Variants in ACTR3C observed in about 807,000 individuals in gnomAD.
ACTR3C encodes the protein actin related protein 3C.
A neutral mutation model predicts 26.3 loss-of-function variants in ACTR3C; 18 were observed. The observed-to-expected ratio is 0.68, with a 90% CI of 0.47 to 1.01. The LOEUF (loss-of-function observed/expected upper bound fraction) is 1.01, where lower values mean the gene tolerates loss of function less well. Among genes scored for constraint, ACTR3C ranks in the 50% least tolerant of loss-of-function variants. The probability of loss-of-function intolerance (pLI) is 0.00; values close to 1 mark genes in which losing one functional copy is unlikely to be tolerated. For synonymous variants in ACTR3C, 55 were observed against 94.5 expected, an observed-to-expected ratio of 0.58 and a Z score of 2.42; for missense variants, 184 against 250.7, an observed-to-expected ratio of 0.73 and a Z score of 1.80.
At chr7:150,035,250 G>A in the ACTR3C span, among the ~76,000 whole-genome samples, 7 of 98,040 alleles carry the variant, frequency 7.1e-5, no homozygotes, top group Non-Finnish European at 1.4e-4. Context: ...GCCAGTGGGG[G>A]AACCAGGGGC....
the ACTR3C span, among the ~76,000 whole-genome samples, chr7:150,174,087 A>G: frequency 1.4e-5 from 2 of 139,494 alleles, no homozygotes; most frequent in East Asian, 2.0e-4. Context: ...CCTCTTAACC[A>G]GTTCCAATGT....
At chr7:150,159,899 G>A in the ACTR3C span, among the ~76,000 whole-genome samples, 2 of 152,020 alleles carry the variant, frequency 1.3e-5, no homozygotes, top group Non-Finnish European at 1.5e-5. Flanking sequence ...CCACCTCCCT[G>A]GTTCAAGCGA....
the ACTR3C span, among the ~76,000 whole-genome samples, chr7:150,176,273 C>G: frequency 2.7e-5 from 4 of 150,814 alleles, no homozygotes; most frequent in East Asian, 7.7e-4. Flanking sequence ...TTTCTTGAGG[C>G]CTTTTTTTAT....
the ACTR3C span, among the ~76,000 whole-genome samples, chr7:149,944,062 A>C: frequency 7.3e-6 from 1 of 137,190 alleles, no homozygotes. Context: ...TGGCAAGTCA[A>C]GGGCTTGTTT....
chr7:150,145,046 T>G, the ACTR3C span, among the ~76,000 whole-genome samples: 1 of 116,116 alleles, frequency 8.6e-6, no homozygotes, highest in Admixed American at 9.1e-5. Context: ...CGAGACTCCA[T>G]CTCAAAAAAA....
At chr7:149,910,283 A>G in the ACTR3C span, among the ~76,000 whole-genome samples, 1 of 152,040 alleles carries the variant, frequency 6.6e-6, no homozygotes, top group African/African-American at 2.4e-5. Flanking sequence ...ATGTCTAAGA[A>G]ACAGCTACTG....
chr7:150,007,005 C>T, the ACTR3C span, among the ~76,000 whole-genome samples: 1 of 152,176 alleles, frequency 6.6e-6, no homozygotes, highest in Admixed American at 6.5e-5. Flanking sequence ...CATCTTAGCT[C>T]CTTGGAGCAT....
At chr7:150,260,369 G>C (rs1049414194) in intron 6 of ACTR3C, among the ~76,000 whole-genome samples, 4 of 152,138 alleles carry the variant, frequency 2.6e-5, no homozygotes, top group African/African-American at 9.7e-5. Context: ...CAAATCCCTA[G>C]AAATTCGTAG....
chr7:150,102,859 G>A, the ACTR3C span, among the ~76,000 whole-genome samples: 3 of 152,022 alleles, frequency 2.0e-5, no homozygotes, highest in African/African-American at 7.2e-5. Flanking sequence ...TAGGTGGCAT[G>A]AACGCAGACC....
intron 2 of ACTR3C, among the ~76,000 whole-genome samples, chr7:150,294,183 A>G (rs1178490888): frequency 6.6e-6 from 1 of 152,130 alleles, no homozygotes; most frequent in Non-Finnish European, 1.5e-5. Flanking sequence ...GTTGCCCCAA[A>G]GGGAACATCT....
the ACTR3C span, among the ~76,000 whole-genome samples, chr7:150,050,608 G>A: frequency 1.3e-5 from 2 of 152,178 alleles, no homozygotes; most frequent in Non-Finnish European, 2.9e-5. Context: ...CGGAGGGCAG[G>A]GGAGGAGGGC....
chr7:150,100,398 G>A, the ACTR3C span, among the ~76,000 whole-genome samples: 8 of 151,774 alleles, frequency 5.3e-5, no homozygotes, highest in South Asian at 4.1e-4. Context: ...TGGGCTCTGC[G>A]CTGAGTTTTA....
chr7:150,015,716 C>A, the ACTR3C span, among the ~76,000 whole-genome samples: 1 of 152,194 alleles, frequency 6.6e-6, no homozygotes, highest in East Asian at 1.9e-4. Context: ...GATCATGAAC[C>A]AAGGCCCGCC....
the ACTR3C span, among the ~76,000 whole-genome samples, chr7:150,046,359 C>CG: frequency 9.9e-6 from 1 of 100,868 alleles, no homozygotes; most frequent in African/African-American, 3.5e-5. Context: ...CCCCCCCCCC[C>CG]CGACCCAAAC....
chr7:150,209,206 C>G, the ACTR3C span, among the ~76,000 whole-genome samples: 77 of 136,236 alleles, frequency 5.7e-4, 5 homozygotes, highest in African/African-American at 2.3e-3. Flanking sequence ...CACACACATA[C>G]AGAGAGAGAG....
intron 1 of ACTR3C, 66 bp from the exon 2 acceptor site, chr7:150,295,413 A>G: frequency 1.3e-6 from 2 of 1,516,112 alleles, no homozygotes; most frequent in South Asian, 1.1e-5. Flanking sequence ...CAGAACCATA[A>G]ACAGGTTAAC....
chr7:149,951,551 C>T, the ACTR3C span, among the ~76,000 whole-genome samples: 9,809 of 149,110 alleles, frequency 0.066, 1,015 homozygotes, highest in African/African-American at 0.22. Flanking sequence ...CAGCTAGAGG[C>T]ACCTGCAGTT....
chr7:150,245,815 T>C (rs575410020), downstream of ACTR3C: 2 of 152,352 alleles, frequency 1.3e-5, no homozygotes, highest in South Asian at 4.1e-4. Flanking sequence ...GCTGGGGGGC[T>C]CAGTGAAGAT....
At chr7:150,285,037 C>A (rs1264268677) in intron 5 of ACTR3C, among the ~76,000 whole-genome samples, 192 bp from the exon 6 acceptor site, 1 of 152,176 alleles carries the variant, frequency 6.6e-6, no homozygotes, top group African/African-American at 2.4e-5. Context: ...CACATTTCTC[C>A]TCATGAGGTA....
Sources: allele counts gnomAD v4.1 joint callset (sites outside exome capture counted in the v4.1 genomes callset), GRCh38; gene constraint gnomAD v4.1.1; transcripts MANE v1.5; gene names NCBI Gene and HGNC (gene_info 2026-07-23, HGNC 2026-07-21).